The following SHOC1 variants were observed in gnomAD, a reference collection of about 807,000 sequenced individuals.
SHOC1 encodes shortage in chiasmata 1, also known as protein shortage in chiasmata 1 ortholog.
SHOC1 carries 136 observed loss-of-function variants against 179.2 expected under a neutral mutation model. The observed-to-expected ratio is 0.76, with a 90% CI of 0.66 to 0.87. The LOEUF (loss-of-function observed/expected upper bound fraction) is 0.87, where lower values mean the gene tolerates loss of function less well. SHOC1 is among the 40% of genes least tolerant of loss of function. SHOC1 has a pLI of 0.00. For missense variants in SHOC1, 1,538 were observed against 1,700.8 expected, an observed-to-expected ratio of 0.90 and a Z score of 1.68; for synonymous variants, 489 against 586.6, an observed-to-expected ratio of 0.83 and a Z score of 2.41.
At chr9:111,792,927 GGCTGGAGT>G (rs1031230710) in intron 1 of SHOC1, among the ~76,000 whole-genome samples, 2 of 150,742 alleles carry the variant, frequency 1.3e-5, no homozygotes, top group African/African-American at 4.9e-5. Context: ...CTGTCCCCCA[GGCTGGAGT>G]GCAGTGGCCG....
At position 111,727,025 on chromosome 9, in the gene SHOC1, TA is replaced by T. The variant is rs755018165; in HGVS notation, c.1834+607del. On this transcript the variant is annotated intron_variant, in intron 13 of 27. Coordinates refer to ENST00000682961, the MANE Select transcript of SHOC1 (RefSeq NM_001378211.1). Reference sequence around the variant, plus strand: ...TTTAGGAATAAACAATAGCAGCCAATAAAAAAAAATATTGTTGTATTTATTT... The same window carrying T: ...TTTAGGAATAAACAATAGCAGCCAATAAAAAAAATATTGTTGTATTTATTT... Among the ~76,000 whole-genome samples, 15 of 151,128 alleles carry T rather than the reference TA, an allele frequency of 9.9e-5. 1 individual carries two copies. The highest frequency in any genetic ancestry group is 2.1e-4 in the South Asian group (1 of 4,796).
intron 14 of SHOC1, among the ~76,000 whole-genome samples, chr9:111,723,139 C>T (rs1227582149): frequency 6.6e-6 from 1 of 152,166 alleles, no homozygotes; most frequent in Non-Finnish European, 1.5e-5. Context: ...AATATAAAGA[C>T]CCATATAACA....
chr9:111,731,538 C>A (rs927223495), intron 12 of SHOC1, among the ~76,000 whole-genome samples: 1 of 152,282 alleles, frequency 6.6e-6, no homozygotes, highest in African/African-American at 2.4e-5. Flanking sequence ...TCAGAACACA[C>A]ACATTTATCA....
Position 111,758,139 on chromosome 9 carries a change from A to G in SHOC1, c.653T>C (p.Met218Thr), listed in dbSNP as rs370349286. 2.3e-5 allele frequency: 37 copies of G among 1,591,112 alleles called. No homozygotes were observed. Among genetic ancestry groups the G allele is most frequent in the Middle Eastern group, 1.7e-4 (1 of 6,030 alleles). The change falls in exon 7 of 28, where the codon ATG becomes ACG. Residue 218 changes from methionine (M) to threonine (T), a missense_variant. Met to Thr is a moderately conservative substitution (Grantham distance 81). Transcript: ENST00000682961. ...LEAFVKEDFCMDKVNFCQEKL... is the reference protein window; with the variant it reads ...LEAFVKEDFCTDKVNFCQEKL... Reference sequence around the variant, plus strand: ...CTCTTGACAAAAGTTCACTTTATCCATACAAAAATCTTCTTTCACAAAAGC... The same window carrying G: ...CTCTTGACAAAAGTTCACTTTATCCGTACAAAAATCTTCTTTCACAAAAGC...
intron 5 of SHOC1, among the ~76,000 whole-genome samples, chr9:111,769,986 G>GTTTTTTTTTTTTTTTTTTTTTTTGT: frequency 1.3e-5 from 1 of 77,662 alleles, no homozygotes; most frequent in Non-Finnish European, 2.4e-5. Context: ...TTTTTTTTTT[G>GTTTTTTTTTTTTTTTTTTTTTTTGT]TTTTTTTTTT....
At chr9:111,777,811 A>G (rs1334947577) in intron 4 of SHOC1, among the ~76,000 whole-genome samples, 4 of 152,196 alleles carry the variant, frequency 2.6e-5, no homozygotes, top group Non-Finnish European at 5.9e-5. Context: ...TAACTCTCCA[A>G]TATAATTGGA....
Position 111,727,887 on chromosome 9 carries a change from T to A in SHOC1, c.1580A>T (p.Glu527Val). The change falls in exon 13 of 28, where the codon GAA becomes GTA. Residue 527 changes from glutamate (E) to valine (V), a missense_variant. By Grantham distance (121) the Glu-to-Val change is moderately radical (BLOSUM62 -2). Coordinates refer to ENST00000682961, the MANE Select transcript of SHOC1 (RefSeq NM_001378211.1). ...DYFSDKGAAK[E>V]EKPKNDQEPV... ...TTCTTGGTCATTCTTTGGTTTTTCT[T>A]CTTTTGCTGCTCCTTTATCAGAGAA... 1 of 1,613,128 alleles carries A rather than the reference T, an allele frequency of 6.2e-7. No homozygotes were observed. The highest frequency in any genetic ancestry group is 8.5e-7 in the Non-Finnish European group (1 of 1,179,640).
rs1246698733 is a variant in SHOC1 at position 111,779,104 on chromosome 9, A to G, written c.257+1826T>C. 1.0e-4 allele frequency among the ~76,000 whole-genome samples: 10 copies of G among 100,060 alleles called. No homozygotes were observed. The South Asian group carries it at 1.0e-3, about 10-fold the overall frequency. The allele number at this position is 100,060 out of a possible 152,430, so 65.6% of individuals were successfully genotyped here. A position where few individuals can be genotyped will look rare whatever the true frequency, so the allele number is the denominator to read the frequency against. On this transcript the variant is annotated intron_variant, in intron 4 of 27. Transcript: ENST00000682961. Reference sequence around the variant, plus strand: ...ACAGAGCGAGACTCTGTGTCAAAAAAAAAAAAAAAAAGAGAGAGAGAGAGA... The same window carrying G: ...ACAGAGCGAGACTCTGTGTCAAAAAGAAAAAAAAAAAGAGAGAGAGAGAGA...
intron 12 of SHOC1, among the ~76,000 whole-genome samples, chr9:111,731,992 G>A (rs1833593045): frequency 6.6e-6 from 1 of 151,694 alleles, no homozygotes; most frequent in East Asian, 1.9e-4. Flanking sequence ...AGATGAGCCT[G>A]TATTTTTAAA....
chr9:111,736,588 G>C (rs1429447980), intron 12 of SHOC1, among the ~76,000 whole-genome samples: 3 of 152,168 alleles, frequency 2.0e-5, no homozygotes, highest in African/African-American at 7.2e-5. Flanking sequence ...ATATTTACAT[G>C]TGAGACCTTA....
At chr9:111,739,248 T>C (rs1237533518) in intron 11 of SHOC1, among the ~76,000 whole-genome samples, 1 of 151,706 alleles carries the variant, frequency 6.6e-6, no homozygotes, top group Non-Finnish European at 1.5e-5. Flanking sequence ...GCATTATTCT[T>C]AATTAATCCC....
At chr9:111,700,550 C>CTT (rs1203685358) in intron 23 of SHOC1, among the ~76,000 whole-genome samples, 2 of 151,320 alleles carry the variant, frequency 1.3e-5, no homozygotes, top group African/African-American at 4.9e-5. Context: ...CCTTTACCCA[C>CTT]TTTATGTACC....
At chr9:111,784,297 T>G (rs1034339032) in intron 3 of SHOC1, among the ~76,000 whole-genome samples, 9 of 152,212 alleles carry the variant, frequency 5.9e-5, no homozygotes, top group Admixed American at 1.3e-4. Flanking sequence ...AATGGCACTG[T>G]CATCTACCTG....
intron 25 of SHOC1, 62 bp downstream of exon 25, chr9:111,694,169 T>C (rs1368689486): frequency 6.8e-7 from 1 of 1,476,768 alleles, no homozygotes; most frequent in Non-Finnish European, 9.2e-7. Context: ...AGAAAGTAAA[T>C]TCAAATACAG....
intron 2 of SHOC1, among the ~76,000 whole-genome samples, chr9:111,788,567 G>A (rs956854765): frequency 1.3e-5 from 2 of 152,158 alleles, no homozygotes; most frequent in East Asian, 3.8e-4. Context: ...GTAGTTTGAT[G>A]TATTTTCCTA....
At chr9:111,750,366 T>C (rs578181610) in intron 8 of SHOC1, among the ~76,000 whole-genome samples, 8 of 152,278 alleles carry the variant, frequency 5.3e-5, no homozygotes, top group African/African-American at 1.9e-4. Flanking sequence ...AGTCTTGCTC[T>C]GTCACCCAGG....
rs1320930334 is a variant in SHOC1, at chr9:111,691,951, T to C, written c.4026A>G (p.Val1342=). The part of the protein sequence containing the change: ...HEAKGFINKD[V]SDPIFSLEGT... ...CCTCTAGTGAAAAGATAGGGTCCGA[T>C]ACATCTTTATTTATGAAACCTTTTG... The change falls in exon 27 of 28, where the codon GTA becomes GTG. Residue 1342 remains valine, a synonymous_variant. Transcript: ENST00000682961. 1.9e-6 allele frequency: 3 copies of C among 1,613,704 alleles called. No individual in the cohort carries two copies. Among genetic ancestry groups the C allele is most frequent in the South Asian group, 1.1e-5 (1 of 91,060 alleles).
At chr9:111,713,049 T>C in intron 18 of SHOC1, 51 bp downstream of exon 18, 1 of 1,139,532 alleles carries the variant, frequency 8.8e-7, no homozygotes, top group Non-Finnish European at 1.3e-6. Flanking sequence ...AATACACTTT[T>C]ATAAGTTCAA....
At chr9:111,759,278 GTC>G in intron 5 of SHOC1, 3 of 1,613,120 alleles carry the variant, frequency 1.9e-6, no homozygotes, top group Non-Finnish European at 1.7e-6. Context: ...ATCCCCCAGA[GTC>G]TCTGACATGT....
Sources: gnomAD v4.1 joint callset for allele counts (sites outside exome capture counted in the v4.1 genomes callset) on GRCh38, gnomAD v4.1.1 for gene constraint, MANE v1.5 for transcripts, NCBI Gene and HGNC (gene_info 2026-07-23, HGNC 2026-07-21) for gene names.